PDGFD: variants seen among roughly 807,000 people sequenced by gnomAD.
PDGFD encodes platelet-derived growth factor D.
PDGFD carries 30 observed loss-of-function variants against 44.7 expected under a neutral mutation model. The ratio of observed to expected loss-of-function variants is 0.67; its 90% CI spans 0.50 to 0.91. The LOEUF (loss-of-function observed/expected upper bound fraction) is 0.91, where lower values mean the gene tolerates loss of function less well. Among genes scored for constraint, PDGFD ranks in the 40% least tolerant of loss-of-function variants. The pLI is 0.00. For synonymous variants in PDGFD, 173 were observed against 168.4 expected (o/e 1.03, Z -0.21); for missense variants, 445 against 457.8 (o/e 0.97, Z 0.25).
intron 1 of PDGFD, among the ~76,000 whole-genome samples, chr11:104,076,127 A>C (rs1209963088): frequency 6.6e-6 from 1 of 152,144 alleles, no homozygotes; most frequent in East Asian, 1.9e-4. Flanking sequence ...ATTGCTCAGC[A>C]CTTCTCCTTC....
intron 5 of PDGFD, among the ~76,000 whole-genome samples, chr11:103,942,137 G>T (rs1248699699): frequency 6.7e-6 from 1 of 149,810 alleles, no homozygotes; most frequent in East Asian, 1.9e-4. Flanking sequence ...ATAAATGGTT[G>T]TGCTAAAGCA....
chr11:104,040,805 T>C (rs987627455), intron 1 of PDGFD, among the ~76,000 whole-genome samples: 1 of 152,006 alleles, frequency 6.6e-6, no homozygotes, highest in African/African-American at 2.4e-5. Flanking sequence ...TTTCTATCTC[T>C]CTATACATCA....
chr11:104,132,195 C>A (rs1301656380), intron 1 of PDGFD, among the ~76,000 whole-genome samples: 1 of 152,008 alleles, frequency 6.6e-6, no homozygotes, highest in East Asian at 1.9e-4. Flanking sequence ...GATACTCTCT[C>A]TTTAAGTTAC....
intron 3 of PDGFD, among the ~76,000 whole-genome samples, chr11:103,994,758 C>A (rs926524403): frequency 2.0e-5 from 3 of 151,996 alleles, no homozygotes; most frequent in Non-Finnish European, 4.4e-5. Context: ...CTACAAACAA[C>A]TGAAGGATTC....
intron 1 of PDGFD, among the ~76,000 whole-genome samples, chr11:104,087,285 T>G (rs139683791): frequency 0.012 from 1,800 of 149,094 alleles, 23 homozygotes; most frequent in African/African-American, 0.043. Context: ...AACCTCCACC[T>G]CCCAGGTTCA....
chr11:104,081,694 G>A (rs1249779873), intron 1 of PDGFD, among the ~76,000 whole-genome samples: 2 of 152,056 alleles, frequency 1.3e-5, no homozygotes, highest in East Asian at 3.9e-4. Context: ...AAGTTTATGA[G>A]AACAATAAGA....
intron 3 of PDGFD, among the ~76,000 whole-genome samples, chr11:103,986,526 A>G (rs1403562638): frequency 6.6e-6 from 1 of 151,996 alleles, no homozygotes; most frequent in Non-Finnish European, 1.5e-5. Context: ...TCCTTTCATC[A>G]CTTGGAAAGC....
intron 6 of PDGFD, among the ~76,000 whole-genome samples, chr11:103,922,252 A>G (rs1260644172): frequency 6.6e-6 from 1 of 152,176 alleles, no homozygotes; most frequent in East Asian, 1.9e-4. Flanking sequence ...AACTGAAATA[A>G]TAGTTTCTTC....
intron 6 of PDGFD, among the ~76,000 whole-genome samples, chr11:103,911,569 C>T (rs1858029736): frequency 6.6e-6 from 1 of 152,044 alleles, no homozygotes; most frequent in Non-Finnish European, 1.5e-5. Context: ...AACTCCTCTT[C>T]TCAACCAAAG....
At chr11:103,963,379 A>G (rs973362099) in intron 3 of PDGFD, among the ~76,000 whole-genome samples, 2 of 152,054 alleles carry the variant, frequency 1.3e-5, no homozygotes, top group African/African-American at 2.4e-5. Flanking sequence ...CAAAGAGGAG[A>G]TTTTTCAGGT....
intron 1 of PDGFD, among the ~76,000 whole-genome samples, chr11:104,141,745 A>G (rs1862088886): frequency 6.6e-6 from 1 of 152,210 alleles, no homozygotes; most frequent in South Asian, 2.1e-4. Context: ...CAATGTGACC[A>G]TGAAGGCAGA....
At chr11:103,940,788 C>T (rs138744283) in intron 5 of PDGFD, among the ~76,000 whole-genome samples, 2 of 152,144 alleles carry the variant, frequency 1.3e-5, no homozygotes, top group African/African-American at 4.8e-5. Context: ...TACAAAAATG[C>T]CTTAGGGCCA....
chr11:104,146,528 G>T (rs1177225420), intron 1 of PDGFD, among the ~76,000 whole-genome samples: 1 of 152,146 alleles, frequency 6.6e-6, no homozygotes, highest in Non-Finnish European at 1.5e-5. Flanking sequence ...CAATTCCAGG[G>T]AATGATCCAG....
rs1858524283 is a variant in PDGFD at position 103,938,250 on chromosome 11, C to A, written c.772+5202G>T. Among the ~76,000 whole-genome samples, 3 of 152,284 alleles carry A rather than the reference C, an allele frequency of 2.0e-5. No homozygotes were observed. In the South Asian group the frequency reaches 6.2e-4, roughly 32 times the overall value. ...GACTTTTTAATGATTGCCATTCTAA[C>A]TGGTGTGAGATGGTATCTCATTGTG... On this transcript the variant is annotated intron_variant, in intron 5 of 6. Coordinates refer to ENST00000393158, the MANE Select transcript of PDGFD (RefSeq NM_025208.5).
At chr11:104,079,282 T>C (rs1350553417) in intron 1 of PDGFD, among the ~76,000 whole-genome samples, 1 of 152,204 alleles carries the variant, frequency 6.6e-6, no homozygotes, top group Admixed American at 6.5e-5. Context: ...GAAAATGCAA[T>C]AAGCCTCCTC....
chr11:103,989,185 G>C (rs1324582480), intron 3 of PDGFD, among the ~76,000 whole-genome samples: 1 of 151,952 alleles, frequency 6.6e-6, no homozygotes. Context: ...TTAGGTTTTA[G>C]GAATACAATT....
chr11:103,935,723 G>C (rs1858478620), intron 5 of PDGFD, among the ~76,000 whole-genome samples: 1 of 152,182 alleles, frequency 6.6e-6, no homozygotes, highest in African/African-American at 2.4e-5. Context: ...GTTCTGTGCA[G>C]AGTTTTGCAA....
chr11:103,950,191 A>T (rs1858730242), intron 3 of PDGFD, among the ~76,000 whole-genome samples: 1 of 152,126 alleles, frequency 6.6e-6, no homozygotes, highest in African/African-American at 2.4e-5. Context: ...GAAGAGGGAC[A>T]GTTTTAAAAT....
chr11:104,048,771 T>C (rs2134404570), intron 1 of PDGFD, among the ~76,000 whole-genome samples: 1 of 152,340 alleles, frequency 6.6e-6, no homozygotes, highest in South Asian at 2.1e-4. Context: ...ACAATGCATC[T>C]GGCACTGCTT....
Sources: allele counts gnomAD v4.1 joint callset (sites outside exome capture counted in the v4.1 genomes callset), GRCh38; gene constraint gnomAD v4.1.1; transcripts MANE v1.5; gene names NCBI Gene and HGNC (gene_info 2026-07-23, HGNC 2026-07-21).